The following ZBTB7C variants were observed in gnomAD, a reference collection of about 807,000 sequenced individuals.
ZBTB7C encodes the protein zinc finger and BTB domain-containing protein 7C.
In ZBTB7C, 8 loss-of-function variants were observed where a neutral mutation model predicts 25.7. The ratio of observed to expected loss-of-function variants is 0.31; its 90% CI spans 0.18 to 0.56. The LOEUF is 0.56. Among genes scored for constraint, ZBTB7C ranks in the 20% least tolerant of loss-of-function variants. The probability of loss-of-function intolerance (pLI) is 0.91; values close to 1 mark genes in which losing one functional copy is unlikely to be tolerated. For missense variants in ZBTB7C, 824 were observed against 855.2 expected (o/e 0.96, Z 0.46); for synonymous variants, 394 against 369.0 (o/e 1.07, Z -0.78).
intron 3 of ZBTB7C, among the ~76,000 whole-genome samples, chr18:48,059,542 A>G (rs1043620735): frequency 5.9e-5 from 9 of 151,922 alleles, no homozygotes; most frequent in Non-Finnish European, 2.9e-5. Flanking sequence ...CTGACTCACA[A>G]CCCATTGCCA....
chr18:48,318,493 C>T (rs1310491775), intron 2 of ZBTB7C, among the ~76,000 whole-genome samples: 2 of 152,152 alleles, frequency 1.3e-5, no homozygotes, highest in Non-Finnish European at 2.9e-5. Context: ...GACCTTGAAT[C>T]AGTGCTGGCA....
rs566895039 is a variant in ZBTB7C, at chr18:48,204,058, G to T, written c.-78-18063C>A. Among the ~76,000 whole-genome samples the T allele has an allele frequency of 3.2e-4, 48 of 152,300 alleles. No homozygotes were observed. The East Asian group carries it at 8.5e-3, about 27-fold the overall frequency. On this transcript the variant is annotated intron_variant, in intron 2 of 4. Coordinates refer to ENST00000590800, the MANE Select transcript of ZBTB7C (RefSeq NM_001318841.2). ...GCTGCTCTTGCACACCTGGGAGATG[G>T]GGGCTCCCCCTCAGGCCCTCACCCC... is the stretch of plus-strand genomic sequence containing the variant.
intron 2 of ZBTB7C, chr18:48,252,329 T>C (rs1200763704): frequency 6.6e-6 from 1 of 152,268 alleles, no homozygotes; most frequent in Admixed American, 6.5e-5. Context: ...TGTGAAGGTA[T>C]TGTGAGTTGG....
In ZBTB7C at chr18:48,040,645, C is replaced by T. The variant is rs1418342025; in HGVS notation, c.463G>A (p.Glu155Lys). 15 of 1,613,404 alleles carry T rather than the reference C, an allele frequency of 9.3e-6. No individual in the cohort carries two copies. The highest frequency in any genetic ancestry group is 1.3e-5 in the African/African-American group (1 of 74,844). The change falls in exon 4 of 5, where the codon GAG (glutamate) becomes AAG (lysine). Residue 155 changes from glutamate (E) to lysine (K), a missense_variant. Coordinates refer to ENST00000590800, the MANE Select transcript of ZBTB7C (RefSeq NM_001318841.2). ...TCCTCCTCCTCTTCCTCCTCCTCCT[C>T]TTCGTCCTCCTCATCATCATCATCT... ...DEDDDDEEDEEEEEEEEEDDD... is the reference protein window; with the variant it reads ...DEDDDDEEDEKEEEEEEEDDD...
chr18:48,301,277 G>C (rs1024028180), intron 2 of ZBTB7C, among the ~76,000 whole-genome samples: 1 of 152,244 alleles, frequency 6.6e-6, no homozygotes, highest in Admixed American at 6.5e-5. Context: ...TCAGGAGTTC[G>C]AGACCAGCCT....
chr18:48,271,254 A>G (rs1422472878), intron 2 of ZBTB7C, among the ~76,000 whole-genome samples: 1 of 152,170 alleles, frequency 6.6e-6, no homozygotes, highest in African/African-American at 2.4e-5. Flanking sequence ...TGAGGCTAGT[A>G]TAACCTTAAT....
chr18:48,329,625 T>G (rs1040460731), intron 2 of ZBTB7C, among the ~76,000 whole-genome samples: 1 of 152,166 alleles, frequency 6.6e-6, no homozygotes, highest in African/African-American at 2.4e-5. Flanking sequence ...AGTTTATGTA[T>G]GTGTGTTTGC....
intron 3 of ZBTB7C, among the ~76,000 whole-genome samples, chr18:48,126,906 G>A (rs1486226220): frequency 6.6e-6 from 1 of 152,158 alleles, no homozygotes; most frequent in Non-Finnish European, 1.5e-5. Context: ...CAGGGAAGAA[G>A]GGGGAGCAAA....
At chr18:48,335,127 C>A (rs77254842) in intron 2 of ZBTB7C, among the ~76,000 whole-genome samples, 4,772 of 152,348 alleles carry the variant, frequency 0.031, 97 homozygotes, top group South Asian at 0.095. Context: ...CCAGGCCTCA[C>A]CCCTCCTTAT....
chr18:48,124,735 G>T (rs1262020811), intron 3 of ZBTB7C, among the ~76,000 whole-genome samples: 1 of 152,228 alleles, frequency 6.6e-6, no homozygotes, highest in African/African-American at 2.4e-5. Flanking sequence ...AGCCAGCCCA[G>T]GGGGCTCCAG....
chr18:48,204,064 C>T (rs1468487254), intron 2 of ZBTB7C, among the ~76,000 whole-genome samples: 1 of 152,208 alleles, frequency 6.6e-6, no homozygotes, highest in South Asian at 2.1e-4. Flanking sequence ...GATGGGGGCT[C>T]CCCCTCAGGC....
intron 2 of ZBTB7C, among the ~76,000 whole-genome samples, chr18:48,225,334 G>C (rs556827304): frequency 6.6e-6 from 1 of 152,074 alleles, no homozygotes; most frequent in African/African-American, 2.4e-5. Flanking sequence ...AGGGGAAGGA[G>C]AGGGAGAGAG....
chr18:48,367,200 T>TACAC (rs1189627020), intron 1 of ZBTB7C, among the ~76,000 whole-genome samples: 1 of 66,020 alleles, frequency 1.5e-5, no homozygotes, highest in African/African-American at 6.5e-5. Flanking sequence ...TATATATATA[T>TACAC]ATACACACAC....
intron 3 of ZBTB7C, among the ~76,000 whole-genome samples, chr18:48,042,872 G>A (rs1383674862): frequency 2.0e-5 from 3 of 152,188 alleles, no homozygotes; most frequent in Non-Finnish European, 1.5e-5. Context: ...AAATCAAGAA[G>A]GCCTCTGCTC....
intron 1 of ZBTB7C, among the ~76,000 whole-genome samples, chr18:48,345,454 G>A (rs2046705435): frequency 6.6e-6 from 1 of 152,118 alleles, no homozygotes; most frequent in Non-Finnish European, 1.5e-5. Context: ...AATTCACTTA[G>A]GAATTGGGCA....
intron 2 of ZBTB7C, among the ~76,000 whole-genome samples, chr18:48,201,519 T>C (rs1944573): frequency 6.6e-6 from 1 of 151,744 alleles, no homozygotes; most frequent in Non-Finnish European, 1.5e-5. Flanking sequence ...CAGTGACTCA[T>C]GGCATTCGAT....
At chr18:48,135,983 G>C (rs1036861276) in intron 3 of ZBTB7C, among the ~76,000 whole-genome samples, 1 of 152,210 alleles carries the variant, frequency 6.6e-6, no homozygotes, top group Non-Finnish European at 1.5e-5. Context: ...GACACAGCCA[G>C]GACAACGGAA....
At chr18:48,214,068 C>T (rs1157995927) in intron 2 of ZBTB7C, among the ~76,000 whole-genome samples, 1 of 152,244 alleles carries the variant, frequency 6.6e-6, no homozygotes, top group African/African-American at 2.4e-5. Context: ...TGCCACGACA[C>T]AGGGTAGACT....
intron 3 of ZBTB7C, chr18:48,150,324 GTAA>G (rs1368324036): frequency 2.0e-5 from 3 of 151,336 alleles, no homozygotes; most frequent in Non-Finnish European, 4.4e-5. Flanking sequence ...GCTCATGCCT[GTAA>G]TCCCAGCACT....
Sources: allele counts gnomAD v4.1 joint callset (sites outside exome capture counted in the v4.1 genomes callset), GRCh38; gene constraint gnomAD v4.1.1; transcripts MANE v1.5; gene names NCBI Gene and HGNC (gene_info 2026-07-23, HGNC 2026-07-21).